Variants in SLC39A11 observed in about 807,000 individuals in gnomAD.
The protein encoded by SLC39A11 is zinc transporter ZIP11.
A neutral mutation model predicts 36.1 loss-of-function variants in SLC39A11; 33 were observed. The ratio of observed to expected loss-of-function variants is 0.91; its 90% confidence interval spans 0.69 to 1.22. SLC39A11 has a LOEUF of 1.22. SLC39A11 is among the 50% of genes most tolerant of loss of function. The pLI is 0.00. For synonymous variants in SLC39A11, 166 were observed against 170.3 expected, an observed-to-expected ratio of 0.97 and a Z score of 0.20; for missense variants, 432 against 430.3, an observed-to-expected ratio of 1.00 and a Z score of -0.03.
chr17:73,078,400 TAGGTAGGTAAGTAAGG>T (rs2060398506), intron 3 of SLC39A11, among the ~76,000 whole-genome samples: 2 of 152,040 alleles, frequency 1.3e-5, no homozygotes, highest in South Asian at 2.1e-4. Context: ...GATAGATAGG[TAGGTAGGTAAGTAAGG>T]AGGTAGGTAG....
At chr17:73,051,250 A>T (rs908109046) in intron 3 of SLC39A11, among the ~76,000 whole-genome samples, 1 of 152,116 alleles carries the variant, frequency 6.6e-6, no homozygotes, top group African/African-American at 2.4e-5. Flanking sequence ...CCCTCTTCTT[A>T]TAAGGACACC....
chr17:73,043,453 G>C (rs1435289456), intron 3 of SLC39A11, among the ~76,000 whole-genome samples: 2 of 152,162 alleles, frequency 1.3e-5, no homozygotes, highest in Admixed American at 6.5e-5. Flanking sequence ...ACAACCTACA[G>C]AAACAGATTT....
chr17:72,890,999 G>C (rs940472635), intron 5 of SLC39A11, among the ~76,000 whole-genome samples: 1 of 151,852 alleles, frequency 6.6e-6, no homozygotes, highest in African/African-American at 2.4e-5. Context: ...GATCACAAGG[G>C]GGTGGAAAGT....
At chr17:72,721,251 C>T (rs1428255443) in intron 7 of SLC39A11, among the ~76,000 whole-genome samples, 2 of 152,108 alleles carry the variant, frequency 1.3e-5, no homozygotes, top group Admixed American at 6.5e-5. Flanking sequence ...TGCATGCCAC[C>T]ATGTCCGGCT....
chr17:72,783,450 T>C (rs866242063), intron 6 of SLC39A11, among the ~76,000 whole-genome samples: 1 of 152,178 alleles, frequency 6.6e-6, no homozygotes, highest in African/African-American at 2.4e-5. Flanking sequence ...TTCATACTCA[T>C]GGAAATTGAG....
chr17:72,885,854 G>C (rs1407733519), intron 5 of SLC39A11, among the ~76,000 whole-genome samples: 2 of 152,138 alleles, frequency 1.3e-5, no homozygotes, highest in Admixed American at 1.3e-4. Context: ...TGTCGCCAAA[G>C]AGTTGAATGT....
At chr17:72,662,668 G>A (rs373857838) in intron 7 of SLC39A11, among the ~76,000 whole-genome samples, 2 of 109,246 alleles carry the variant, frequency 1.8e-5, no homozygotes, top group Non-Finnish European at 3.7e-5. Context: ...AAAGAAAAAG[G>A]AAGGAAAAGA....
intron 6 of SLC39A11, among the ~76,000 whole-genome samples, chr17:72,783,783 G>A (rs1200907624): frequency 1.3e-5 from 2 of 152,266 alleles, no homozygotes; most frequent in African/African-American, 2.4e-5. Context: ...GAGTTAACAG[G>A]CGCCCACGTC....
At chr17:72,916,446 G>A (rs1014227703) in intron 5 of SLC39A11, among the ~76,000 whole-genome samples, 11 of 150,598 alleles carry the variant, frequency 7.3e-5, no homozygotes, top group East Asian at 1.9e-4. Flanking sequence ...CATTGCACGC[G>A]GTCCCTTCCA....
At chr17:72,807,831 G>A (rs1419240767) in intron 6 of SLC39A11, among the ~76,000 whole-genome samples, 1 of 152,156 alleles carries the variant, frequency 6.6e-6, no homozygotes, top group African/African-American at 2.4e-5. Context: ...GGAAATAACT[G>A]AACCCGACGA....
intron 4 of SLC39A11, among the ~76,000 whole-genome samples, chr17:73,000,228 C>T (rs1451507234): frequency 1.3e-5 from 2 of 150,476 alleles, no homozygotes; most frequent in African/African-American, 2.5e-5. Flanking sequence ...TCTCCCCTCC[C>T]CCATTCCCCT....
intron 5 of SLC39A11, among the ~76,000 whole-genome samples, chr17:72,934,693 C>G (rs558951958): frequency 6.6e-6 from 1 of 152,186 alleles, no homozygotes; most frequent in Non-Finnish European, 1.5e-5. Flanking sequence ...AAAACTCTAC[C>G]ATAATTAAAC....
chr17:72,692,556 A>G (rs570438398), intron 7 of SLC39A11, among the ~76,000 whole-genome samples: 71 of 152,346 alleles, frequency 4.7e-4, no homozygotes, highest in African/African-American at 1.6e-3. Flanking sequence ...TAAACCCATC[A>G]GATCTCATGA....
chr17:73,045,149 G>C (rs925736524), intron 3 of SLC39A11, among the ~76,000 whole-genome samples: 17 of 151,880 alleles, frequency 1.1e-4, no homozygotes, highest in Non-Finnish European at 2.4e-4. Flanking sequence ...CAGTCACTAA[G>C]TACCTGACAA....
At chr17:73,037,703 C>G (rs1015572789) in intron 3 of SLC39A11, among the ~76,000 whole-genome samples, 50 of 152,204 alleles carry the variant, frequency 3.3e-4, no homozygotes, top group African/African-American at 1.2e-3. Flanking sequence ...TAAAAGGAAT[C>G]CATAATCAGC....
In SLC39A11 at chr17:72,731,527, CA is replaced by C. The variant is rs1433989774; in HGVS notation, c.671+5122del. Among the ~76,000 whole-genome samples the C allele has an allele frequency of 1.2e-4, 13 of 109,034 alleles. No homozygotes were observed. In the Admixed American group the frequency reaches 1.4e-3, roughly 12 times the overall value. 71.5% of individuals were successfully genotyped at this position (109,034 alleles called of 152,430 possible). A position where few individuals can be genotyped will look rare whatever the true frequency, so the allele number is the denominator to read the frequency against. On this transcript the variant is annotated intron_variant, in intron 7 of 9. Transcript: ENST00000255559. ...GTATTAAAAAGTGCTTTCATTTGTG[CA>C]ACCTTATGCAGTTTTTTTTTTTAAA...
intron 7 of SLC39A11, among the ~76,000 whole-genome samples, chr17:72,685,557 T>C (rs577801031): frequency 6.8e-6 from 1 of 148,084 alleles, no homozygotes; most frequent in African/African-American, 2.5e-5. Flanking sequence ...AGGATTCATC[T>C]CAGGAACGTG....
At chr17:73,086,033 A>G (rs2060718879) in intron 2 of SLC39A11, among the ~76,000 whole-genome samples, 1 of 152,150 alleles carries the variant, frequency 6.6e-6, no homozygotes. Context: ...CTATATGATT[A>G]CTCCATCTAA....
Position 73,087,256 on chromosome 17 carries a change from C to A in SLC39A11, c.108+1401G>T, listed in dbSNP as rs553716926. Among the ~76,000 whole-genome samples, 170 of 151,370 alleles carry A rather than the reference C, an allele frequency of 1.1e-3. 2 individuals carry two copies. The highest frequency in any genetic ancestry group is 4.0e-3 in the African/African-American group (162 of 40,856). Reference sequence around the variant, plus strand: ...GATTGTGTGTTTTCTGATTTCCAGTCTCCAACCCATCAGCTCCCGGGGGCA... The same window carrying A: ...GATTGTGTGTTTTCTGATTTCCAGTATCCAACCCATCAGCTCCCGGGGGCA... On this transcript the variant is annotated intron_variant, in intron 2 of 9. Transcript: ENST00000255559.
Sources: allele counts gnomAD v4.1 joint callset (sites outside exome capture counted in the v4.1 genomes callset), GRCh38; gene constraint gnomAD v4.1.1; transcripts MANE v1.5; gene names NCBI Gene and HGNC (gene_info 2026-07-23, HGNC 2026-07-21).